The following RRAS2 variants were observed in gnomAD, a reference collection of about 807,000 sequenced individuals.
RRAS2 encodes ras-related protein R-Ras2.
Under a neutral mutation model 27.6 loss-of-function variants are expected in RRAS2, and 7 were observed. The observed-to-expected ratio is 0.25, with a 90% CI of 0.14 to 0.48. The LOEUF is 0.48. Ranked by LOEUF, RRAS2 falls within the 20% of genes least tolerant of loss-of-function variation. The probability of loss-of-function intolerance (pLI) is 0.99; values close to 1 mark genes in which losing one functional copy is unlikely to be tolerated. For missense variants in RRAS2, 178 were observed against 256.2 expected, an observed-to-expected ratio of 0.69 and a Z score of 2.08; for synonymous variants, 86 against 90.9, an observed-to-expected ratio of 0.95 and a Z score of 0.31.
intron 1 of RRAS2, among the ~76,000 whole-genome samples, chr11:14,314,330 T>C (rs117206369): frequency 9.7e-4 from 147 of 152,188 alleles, no homozygotes; most frequent in Non-Finnish European, 1.8e-3. Flanking sequence ...GTCATGGGGG[T>C]TTCCAGCGAG....
At chr11:14,293,138 T>TATATATATATAG (rs1210211022) in intron 4 of RRAS2, among the ~76,000 whole-genome samples, 1 of 122,266 alleles carries the variant, frequency 8.2e-6, no homozygotes, top group Admixed American at 8.6e-5. Flanking sequence ...TATATATATA[T>TATATATATATAG]ATATATATAT....
chr11:14,326,019 GTTTT>G (rs782394190), intron 1 of RRAS2, among the ~76,000 whole-genome samples: 39 of 152,158 alleles, frequency 2.6e-4, no homozygotes, highest in Non-Finnish European at 5.9e-5. Flanking sequence ...AATTTAAGAT[GTTTT>G]TTAAGAATAT....
intron 1 of RRAS2, among the ~76,000 whole-genome samples, chr11:14,352,987 C>A (rs1848995931): frequency 6.6e-6 from 1 of 151,954 alleles, no homozygotes; most frequent in South Asian, 2.1e-4. Context: ...TTAGTAGAGA[C>A]AGGGTTTCAC....
At chr11:14,292,038 C>A (rs1847407131) in intron 4 of RRAS2, among the ~76,000 whole-genome samples, 1 of 152,178 alleles carries the variant, frequency 6.6e-6, no homozygotes, top group South Asian at 2.1e-4. Flanking sequence ...AAAGCTTTCA[C>A]TGTGACATCA....
At chr11:14,319,503 C>T (rs904455420) in intron 1 of RRAS2, among the ~76,000 whole-genome samples, 8 of 151,946 alleles carry the variant, frequency 5.3e-5, no homozygotes, top group South Asian at 2.1e-4. Context: ...GGACTACAGG[C>T]GCCCGCCACC....
intron 1 of RRAS2, among the ~76,000 whole-genome samples, chr11:14,339,335 A>G (rs1221221469): frequency 1.3e-5 from 2 of 151,262 alleles, no homozygotes; most frequent in Non-Finnish European, 2.9e-5. Context: ...AAAAATAAAA[A>G]GACCGATCCA....
chr11:14,324,380 T>C (rs1848298687), intron 1 of RRAS2, among the ~76,000 whole-genome samples: 1 of 147,470 alleles, frequency 6.8e-6, no homozygotes, highest in South Asian at 2.1e-4. Flanking sequence ...AGTAAAAATA[T>C]ATTCTAGACC....
intron 1 of RRAS2, among the ~76,000 whole-genome samples, chr11:14,297,961 A>AT (rs1244411027): frequency 1.3e-5 from 2 of 149,776 alleles, no homozygotes; most frequent in African/African-American, 4.9e-5. Flanking sequence ...CCATTTAAAA[A>AT]TAAACAGGTA....
chr11:14,282,835 C>T (rs1197701106), intron 4 of RRAS2, among the ~76,000 whole-genome samples: 1 of 152,090 alleles, frequency 6.6e-6, no homozygotes, highest in Non-Finnish European at 1.5e-5. Context: ...TTTGTAAATT[C>T]CACAGGCATT....
chr11:14,296,678 C>A (rs564557091), intron 1 of RRAS2, among the ~76,000 whole-genome samples: 38 of 152,326 alleles, frequency 2.5e-4, no homozygotes, highest in African/African-American at 7.9e-4. Context: ...TTATGTACTA[C>A]AAGAAAATAT....
intron 4 of RRAS2, among the ~76,000 whole-genome samples, chr11:14,294,146 AAGTT>A (rs1235450964): frequency 1.3e-5 from 2 of 152,218 alleles, no homozygotes; most frequent in African/African-American, 2.4e-5. Flanking sequence ...TTATCCAACT[AAGTT>A]AGAGTTTTGG....
intron 1 of RRAS2, among the ~76,000 whole-genome samples, chr11:14,309,585 G>C (rs1411773176): frequency 6.6e-6 from 1 of 152,218 alleles, no homozygotes; most frequent in African/African-American, 2.4e-5. Context: ...AAGGCTCCAC[G>C]CACAATGTGA....
chr11:14,343,024 A>G (rs781830346), intron 1 of RRAS2, among the ~76,000 whole-genome samples: 29 of 152,336 alleles, frequency 1.9e-4, no homozygotes, highest in Non-Finnish European at 3.5e-4. Flanking sequence ...AAGAAAAGGA[A>G]TGTGGGGTAT....
At chr11:14,340,901 CA>C (rs1848691819) in intron 1 of RRAS2, among the ~76,000 whole-genome samples, 1 of 152,140 alleles carries the variant, frequency 6.6e-6, no homozygotes. Context: ...TAGCAACATT[CA>C]AATGTATATA....
At chr11:14,341,676 T>C (rs1178659828) in intron 1 of RRAS2, 1 of 273,178 alleles carries the variant, frequency 3.7e-6, no homozygotes, top group East Asian at 8.7e-5. Flanking sequence ...CAAGTCATGA[T>C]ACCTTTAACA....
intron 1 of RRAS2, among the ~76,000 whole-genome samples, chr11:14,353,527 T>A (rs1169025152): frequency 6.6e-6 from 1 of 151,420 alleles, no homozygotes; most frequent in Admixed American, 6.6e-5. Flanking sequence ...ATGTGGAGGC[T>A]GCAGATAGCC....
At chr11:14,341,842 T>A (rs1848714196) in intron 1 of RRAS2, 2 of 454,272 alleles carry the variant, frequency 4.4e-6, no homozygotes, top group East Asian at 1.4e-4. Flanking sequence ...ATTTGTAATA[T>A]GATTGAAGAC....
At chr11:14,319,557 A>G (rs1173578740) in intron 1 of RRAS2, among the ~76,000 whole-genome samples, 1 of 151,498 alleles carries the variant, frequency 6.6e-6, no homozygotes, top group Non-Finnish European at 1.5e-5. Flanking sequence ...ACGGGGTTTC[A>G]CCTTGTTAGC....
At chr11:14,322,108 C>G (rs1848238037) in intron 1 of RRAS2, among the ~76,000 whole-genome samples, 1 of 151,956 alleles carries the variant, frequency 6.6e-6, no homozygotes, top group Admixed American at 6.6e-5. Context: ...CAAATATACC[C>G]AACAAAATAG....
Sources: allele counts gnomAD v4.1 joint callset (sites outside exome capture counted in the v4.1 genomes callset), GRCh38; gene constraint gnomAD v4.1.1; transcripts MANE v1.5; gene names NCBI Gene and HGNC (gene_info 2026-07-23, HGNC 2026-07-21).